Variants in CARD14 observed in about 807,000 individuals in gnomAD.
The protein encoded by CARD14 is caspase recruitment domain-containing protein 14.
Under a neutral mutation model 111.5 loss-of-function variants are expected in CARD14, and 107 were observed. The observed-to-expected ratio is 0.96, with a 90% CI of 0.82 to 1.13. The LOEUF is 1.13. CARD14 is among the 50% of genes most tolerant of loss of function. The pLI is 0.00. For missense variants in CARD14, 1,322 were observed against 1,362.3 expected, an observed-to-expected ratio of 0.97 and a Z score of 0.47; for synonymous variants, 617 against 579.6, an observed-to-expected ratio of 1.06 and a Z score of -0.93.
At chr17:80,183,174 C>T (rs1036969146) in intron 6 of CARD14, among the ~76,000 whole-genome samples, 9 of 152,294 alleles carry the variant, frequency 5.9e-5, no homozygotes, top group South Asian at 4.1e-4. Context: ...TCTTAGGAGG[C>T]GACAGAGCGG....
Position 80,203,617 on chromosome 17 carries a change from C to G in CARD14, c.2220-205C>G. On this transcript the variant is annotated intron_variant, in intron 18 of 23. Transcript: ENST00000648509. The surrounding 1 kb of genome is among the most constrained non-coding windows in gnomAD (Gnocchi z 4.6). ...CAGCATCTCCAGGGGTGGGCCGAGGCCCTGGAGTCTTTTGAAAGCTCTGGA... is the reference window on the plus strand; with the variant it reads ...CAGCATCTCCAGGGGTGGGCCGAGGGCCTGGAGTCTTTTGAAAGCTCTGGA... 4 of 519,172 alleles carry G rather than the reference C, an allele frequency of 7.7e-6. No homozygotes were observed. Among genetic ancestry groups the G allele is most frequent in the Non-Finnish European group, 6.8e-6 (2 of 293,186 alleles). 32.2% of individuals were successfully genotyped at this position (519,172 alleles called of 1,614,324 possible). A position where few individuals can be genotyped will look rare whatever the true frequency, so the allele number is the denominator to read the frequency against.
At chr17:80,200,874 T>G (rs1138680) in intron 16 of CARD14, 64,022 of 152,290 alleles carry the variant, frequency 0.42, 14,000 homozygotes, top group Non-Finnish European at 0.5. Context: ...GATCCCTCAC[T>G]TGCACAGTTC....
At chr17:80,193,735 C>T (rs1290024076) in intron 12 of CARD14, among the ~76,000 whole-genome samples, 1 of 152,178 alleles carries the variant, frequency 6.6e-6, no homozygotes, top group Non-Finnish European at 1.5e-5. Flanking sequence ...CTGGGGGAGG[C>T]CGGGATCTTC....
chr17:80,190,649 G>A (rs2040495896), intron 9 of CARD14, 125 bp from the exon 10 acceptor site: 1 of 980,858 alleles, frequency 1.0e-6, no homozygotes, highest in South Asian at 2.0e-5. Flanking sequence ...AGACGAGTGA[G>A]AATTGACCTT....
At chr17:80,205,358 G>A in intron 21 of CARD14, 153 bp downstream of exon 21, 1 of 1,148,174 alleles carries the variant, frequency 8.7e-7, no homozygotes, top group Non-Finnish European at 1.2e-6. Flanking sequence ...AGTTCAGGAT[G>A]GAGGTGCAGG....
intron 2 of CARD14, 68 bp from the exon 3 acceptor site, chr17:80,178,440 T>C (rs1372239074): frequency 6.6e-6 from 1 of 152,166 alleles, no homozygotes; most frequent in Admixed American, 6.5e-5. Flanking sequence ...GACCGAACCT[T>C]GAGTTTTGGA....
chr17:80,195,322 C>T lies in CARD14; in HGVS notation c.1488C>T (p.Pro496=). Residue 496 remains proline, a synonymous_variant, in exon 13 of 24, where the codon CCC becomes CCT. Coordinates refer to ENST00000648509, the MANE Select transcript of CARD14 (RefSeq NM_001366385.1). The surrounding 1 kb of genome is among the most constrained non-coding windows in gnomAD (Gnocchi z 4.7). ...KRVAEDFGEE[P]WSFSSCLEIP... The stretch of plus-strand genomic sequence containing the variant: ...TGGCCGAGGACTTCGGGGAAGAACC[C>T]TGGTCTTTCAGGTAGAGCACTGGGG... The T allele has an allele frequency of 6.2e-7, 1 of 1,611,908 alleles. No homozygotes were observed. The highest frequency in any genetic ancestry group is 8.5e-7 in the Non-Finnish European group (1 of 1,178,960).
Position 80,202,215 on chromosome 17 carries a change from G to A in CARD14, c.2014G>A (p.Val672Met). 6.2e-7 allele frequency: 1 copy of A among 1,613,996 alleles called. No individual in the cohort carries two copies. The highest frequency in any genetic ancestry group is 8.5e-7 in the Non-Finnish European group (1 of 1,180,014). ...GCTACTCCAGGACCTGGAGGCCAAA[G>A]TGGCGACCTCGGGGGACTCATTCTA... Reference protein sequence around the residue: ...KRLLQDLEAKVATSGDSFYIR... With the variant: ...KRLLQDLEAKMATSGDSFYIR... Residue 672 changes from valine to methionine, a missense_variant, in exon 18 of 24, where the codon GTG (valine) becomes ATG (methionine). Transcript: ENST00000648509.
chr17:80,205,758 T>G, intron 22 of CARD14, 106 bp downstream of exon 22: 35 of 1,250,068 alleles, frequency 2.8e-5, no homozygotes, highest in Non-Finnish European at 3.6e-5. Context: ...GAGACCTGGG[T>G]GACCTTGTCG....
At chr17:80,199,309 G>A (rs560617534) in intron 16 of CARD14, among the ~76,000 whole-genome samples, 17 of 151,742 alleles carry the variant, frequency 1.1e-4, no homozygotes, top group African/African-American at 3.1e-4. Context: ...CCAACACGGC[G>A]AAACCCCGTC....
In CARD14 at chr17:80,188,521, C is replaced by T; in HGVS notation, c.820C>T (p.Leu274=). The part of the protein sequence containing the change: ...LNRLKEENEK[L]RSLTFSLAEK... The stretch of plus-strand genomic sequence containing the variant: ...CCGCCTGAAGGAGGAGAATGAGAAA[C>T]TGCGCTCGCTGACTTTCAGCCTGGT... Residue 274 remains leucine, a synonymous_variant, in exon 8 of 24, where the codon CTG becomes TTG. Coordinates refer to ENST00000648509, the MANE Select transcript of CARD14 (RefSeq NM_001366385.1). The surrounding 1 kb of genome is among the most constrained non-coding windows in gnomAD (Gnocchi z 4.5). 7 of 1,525,162 alleles carry T rather than the reference C, an allele frequency of 4.6e-6. No homozygotes were observed. The South Asian group carries it at 7.7e-5, about 17-fold the overall frequency. 94.5% of individuals were successfully genotyped at this position (1,525,162 alleles called of 1,614,324 possible).
chr17:80,203,873 C>T lies in CARD14; in HGVS notation c.2271C>T (p.Thr757=), dbSNP rs753005133. ...ALIQDMTQQC[T]VTRKPSSGGP... is the part of the protein sequence containing the mutation. ...TCCAGGACATGACTCAGCAGTGCAC[C>T]GTGACCCGCAAGGTGAGGCTCCAGG... is the stretch of plus-strand genomic sequence containing the variant. The change falls in exon 19 of 24, where the codon ACC becomes ACT. Residue 757 remains threonine (T), a synonymous_variant. Transcript: ENST00000648509. The surrounding 1 kb of genome is among the most constrained non-coding windows in gnomAD (Gnocchi z 4.6). The T allele has an allele frequency of 3.8e-6, 6 of 1,596,270 alleles. No homozygotes were observed. Among genetic ancestry groups the T allele is most frequent in the African/African-American group, 1.3e-5 (1 of 74,770 alleles).
At chr17:80,194,254 T>C (rs530101750) in intron 12 of CARD14, among the ~76,000 whole-genome samples, 1 of 152,108 alleles carries the variant, frequency 6.6e-6, no homozygotes, top group East Asian at 1.9e-4. Context: ...CTGGAATGCC[T>C]CACTCCACCT....
At position 80,176,286 on chromosome 17, in the gene CARD14, A is replaced by C. The variant is rs539461316; in HGVS notation, c.-366-2222A>C. 1.1e-4 allele frequency among the ~76,000 whole-genome samples: 17 copies of C among 151,264 alleles called. No homozygotes were observed. The South Asian group carries it at 2.1e-3, about 19-fold the overall frequency. ...TCTTTACAAAAAACAACAACAACAAAAAAAATGAGCCTGGCATGGGGGCAC... is the reference window on the plus strand; with the variant it reads ...TCTTTACAAAAAACAACAACAACAACAAAAATGAGCCTGGCATGGGGGCAC... On this transcript the variant is annotated intron_variant, in intron 2 of 23. Coordinates refer to ENST00000648509, the MANE Select transcript of CARD14 (RefSeq NM_001366385.1).
rs772774000 is a variant in CARD14 at position 80,183,906 on chromosome 17, C to T, written c.350-7C>T. 9.5e-6 allele frequency: 14 copies of T among 1,479,152 alleles called. No homozygotes were observed. The highest frequency in any genetic ancestry group is 1.3e-5 in the Non-Finnish European group (14 of 1,113,868). 91.6% of individuals were successfully genotyped at this position (1,479,152 alleles called of 1,614,324 possible). On this transcript the variant is annotated splice_region_variant and splice_polypyrimidine_tract_variant and intron_variant, in intron 6 of 23. Coordinates refer to ENST00000648509, the MANE Select transcript of CARD14 (RefSeq NM_001366385.1). ...GCTCACTTGCTCACCTGCCCATCTGCCCACAGGTCTCATGGAGACATCCAA... is the reference window on the plus strand; with the variant it reads ...GCTCACTTGCTCACCTGCCCATCTGTCCACAGGTCTCATGGAGACATCCAA...
Position 80,198,290 on chromosome 17 carries a change from G to T in CARD14, c.1659-109G>T, listed in dbSNP as rs528579046. 3.2e-6 allele frequency: 5 copies of T among 1,564,908 alleles called. No homozygotes were observed. The East Asian group carries it at 6.8e-5, about 21-fold the overall frequency. On this transcript the variant is annotated intron_variant, in intron 15 of 23. Coordinates refer to ENST00000648509, the MANE Select transcript of CARD14 (RefSeq NM_001366385.1). This position sits in a 1 kb window ranked among gnomAD's most constrained non-coding sequence, Gnocchi z 7.5. ...TTTCCAAGCACATGGGGCCATGGAG[G>T]GGGAGGAGAATTCCAGAACACTGGG...
intron 7 of CARD14, chr17:80,187,699 G>T: frequency 1.0e-6 from 1 of 966,832 alleles, no homozygotes; most frequent in Non-Finnish European, 1.2e-6. Flanking sequence ...GACTTCCCGG[G>T]CTTGCCTCAC....
intron 7 of CARD14, among the ~76,000 whole-genome samples, chr17:80,185,938 C>A (rs1430570671): frequency 1.3e-5 from 2 of 152,248 alleles, no homozygotes; most frequent in Non-Finnish European, 2.9e-5. Flanking sequence ...TCCTGTCGCC[C>A]CTCACAGGGG....
Position 80,195,709 on chromosome 17 carries a change from G to A in CARD14, c.1594+57G>A, listed in dbSNP as rs1417093586. The A allele has an allele frequency of 6.9e-7, 1 of 1,450,552 alleles. No homozygotes were observed. Among genetic ancestry groups the A allele is most frequent in the Non-Finnish European group, 9.5e-7 (1 of 1,055,324 alleles). The allele number at this position is 1,450,552 out of a possible 1,614,324, so 89.9% of individuals were successfully genotyped here. A position where few individuals can be genotyped will look rare whatever the true frequency, so the allele number is the denominator to read the frequency against. On this transcript the variant is annotated intron_variant, in intron 14 of 23. Coordinates refer to ENST00000648509, the MANE Select transcript of CARD14 (RefSeq NM_001366385.1). The surrounding 1 kb of genome is among the most constrained non-coding windows in gnomAD (Gnocchi z 4.7). ...AGTCCACCTCCCCTGGGCAGAGCAG[G>A]GAGCTGATGAGAAAGCCGGGGCCTC... is the stretch of plus-strand genomic sequence containing the variant.
Sources: gnomAD v4.1 joint callset for allele counts (sites outside exome capture counted in the v4.1 genomes callset) on GRCh38, gnomAD v4.1.1 for gene constraint, Gnocchi (gnomAD v3.1) non-coding constraint, MANE v1.5 for transcripts, NCBI Gene and HGNC (gene_info 2026-07-23, HGNC 2026-07-21) for gene names.